PIP4K2A: variants seen among roughly 807,000 people sequenced by gnomAD.
PIP4K2A encodes the protein phosphatidylinositol-5-phosphate 4-kinase type 2 alpha.
Under a neutral mutation model 42.9 loss-of-function variants are expected in PIP4K2A, and 14 were observed. That is an observed-to-expected ratio of 0.33 (90% CI 0.22 to 0.51). The LOEUF (loss-of-function observed/expected upper bound fraction) is 0.51. Among genes scored for constraint, PIP4K2A ranks in the 20% least tolerant of loss-of-function variants. The pLI is 0.97. For synonymous variants in PIP4K2A, 192 were observed against 192.2 expected (o/e 1.00, Z 0.01); for missense variants, 434 against 519.8 (o/e 0.83, Z 1.61).
chr10:22,627,591 T>TAAATAAAAAAA (rs1838469660), intron 1 of PIP4K2A, among the ~76,000 whole-genome samples: 1 of 56,994 alleles, frequency 1.8e-5, no homozygotes, highest in South Asian at 8.2e-4. Context: ...TAATATGTAA[T>TAAATAAAAAAA]AAAAAAAAAA....
intron 4 of PIP4K2A, among the ~76,000 whole-genome samples, chr10:22,583,401 TG>T (rs1588642309): frequency 6.6e-6 from 1 of 151,916 alleles, no homozygotes; most frequent in South Asian, 2.1e-4. Context: ...TGCCTGGGGC[TG>T]GGGGGGAGCT....
chr10:22,683,835 TCACACA>T lies in PIP4K2A; in HGVS notation c.144+30342_144+30347del, dbSNP rs138327782. Among the ~76,000 whole-genome samples the T allele has an allele frequency of 4.5e-3, 622 of 139,386 alleles. 1 individual carries two copies. The highest frequency in any genetic ancestry group is 7.8e-3 in the African/African-American group (294 of 37,768). The allele number at this position is 139,386 out of a possible 152,430, so 91.4% of individuals were successfully genotyped here. A position where few individuals can be genotyped will look rare whatever the true frequency, so the allele number is the denominator to read the frequency against. ...TCTTGTAGCTTTCCTACCAAGCAGT[TCACACA>T]CACACACACACACACACACACACAC... On this transcript the variant is annotated intron_variant, in intron 1 of 9. Transcript: ENST00000376573.
chr10:22,632,627 G>A (rs1033112916), intron 1 of PIP4K2A, among the ~76,000 whole-genome samples: 6 of 152,242 alleles, frequency 3.9e-5, no homozygotes, highest in African/African-American at 7.2e-5. Context: ...CATGACCTCC[G>A]GTGTAGGCCA....
chr10:22,601,157 A>AAAAAAAAAAAAAAAAT, intron 3 of PIP4K2A, among the ~76,000 whole-genome samples: 1 of 134,682 alleles, frequency 7.4e-6, no homozygotes, highest in Non-Finnish European at 1.7e-5. Context: ...AAAAAAAAAA[A>AAAAAAAAAAAAAAAAT]AAAAAACAAA....
intron 1 of PIP4K2A, among the ~76,000 whole-genome samples, chr10:22,698,299 A>G (rs989567491): frequency 2.4e-4 from 36 of 152,308 alleles, no homozygotes; most frequent in Middle Eastern, 3.4e-3. Flanking sequence ...TTGCTGTTCA[A>G]TTTAGAACCC....
intron 3 of PIP4K2A, among the ~76,000 whole-genome samples, chr10:22,605,183 C>A (rs912095011): frequency 2.6e-5 from 4 of 151,188 alleles, no homozygotes; most frequent in African/African-American, 4.9e-5. Context: ...TGAATACACA[C>A]TTTTTCTTTC....
chr10:22,537,572 C>T (rs532527992), intron 9 of PIP4K2A, among the ~76,000 whole-genome samples: 2 of 152,206 alleles, frequency 1.3e-5, no homozygotes, highest in South Asian at 2.1e-4. Flanking sequence ...AAACAGGCCA[C>T]GTTTGGGATG....
chr10:22,619,923 G>A (rs991445895), intron 1 of PIP4K2A, among the ~76,000 whole-genome samples: 2 of 152,148 alleles, frequency 1.3e-5, no homozygotes, highest in African/African-American at 4.8e-5. Context: ...AGGTGAGTAG[G>A]AATGAGAATA....
rs760695130 is a variant in PIP4K2A at position 22,591,756 on chromosome 10, A to C, written c.365T>G (p.Leu122Arg). 2.5e-6 allele frequency: 4 copies of C among 1,612,232 alleles called. No homozygotes were observed. The Admixed American group carries it at 6.7e-5, about 27-fold the overall frequency. Residue 122 changes from leucine (L) to arginine (R), a missense_variant, in exon 4 of 10, where the codon CTC (leucine) becomes CGC (arginine). Leu to Arg is a moderately radical substitution (Grantham distance 102). Coordinates refer to ENST00000376573, the MANE Select transcript of PIP4K2A (RefSeq NM_005028.5). ...ACTGCGGGCCTGGGAGTCGTTGGGG[A>C]GGGGTGCGCTCCTGGTCAGGGAATT... ...FQNSLTRSAP[L>R]PNDSQARSGA... is the part of the protein sequence containing the mutation.
intron 9 of PIP4K2A, among the ~76,000 whole-genome samples, chr10:22,537,883 T>C (rs1353131682): frequency 6.6e-6 from 1 of 152,168 alleles, no homozygotes; most frequent in Non-Finnish European, 1.5e-5. Flanking sequence ...GGCTCCATCT[T>C]GCCCACGGGG....
chr10:22,553,498 C>G (rs1423472070), intron 6 of PIP4K2A, among the ~76,000 whole-genome samples: 1 of 152,210 alleles, frequency 6.6e-6, no homozygotes, highest in Non-Finnish European at 1.5e-5. Flanking sequence ...TCACATCTAT[C>G]ATCTATCTTC....
At chr10:22,625,291 T>C (rs760024324) in intron 1 of PIP4K2A, among the ~76,000 whole-genome samples, 6 of 152,222 alleles carry the variant, frequency 3.9e-5, no homozygotes, top group Non-Finnish European at 7.3e-5. Context: ...AAAATTAGTT[T>C]TACTGCTTTC....
chr10:22,637,544 A>G (rs1838692850), intron 1 of PIP4K2A, among the ~76,000 whole-genome samples: 1 of 152,208 alleles, frequency 6.6e-6, no homozygotes. Flanking sequence ...TAGATTTGCC[A>G]TCCTCAAGAA....
At chr10:22,698,144 T>C (rs1296660645) in intron 1 of PIP4K2A, among the ~76,000 whole-genome samples, 2 of 152,162 alleles carry the variant, frequency 1.3e-5, no homozygotes, top group Non-Finnish European at 2.9e-5. Flanking sequence ...GCAGCCTATG[T>C]GGAAGCCATC....
At chr10:22,598,277 G>C (rs547784772) in intron 3 of PIP4K2A, among the ~76,000 whole-genome samples, 2 of 152,228 alleles carry the variant, frequency 1.3e-5, no homozygotes, top group Admixed American at 1.3e-4. Flanking sequence ...AGGATCACTT[G>C]AGCTGAGGAG....
intron 1 of PIP4K2A, among the ~76,000 whole-genome samples, chr10:22,708,978 C>A (rs80223013): frequency 0.032 from 4,900 of 152,210 alleles, 171 homozygotes; most frequent in African/African-American, 0.09. Context: ...GAGACAGGGT[C>A]TTGCTATGCT....
At chr10:22,662,428 A>G (rs1177258601) in intron 1 of PIP4K2A, among the ~76,000 whole-genome samples, 1 of 152,204 alleles carries the variant, frequency 6.6e-6, no homozygotes, top group East Asian at 1.9e-4. Context: ...GATTTCTGAA[A>G]TGTTGTGCTG....
rs148212716 is a variant in PIP4K2A, at chr10:22,594,677, G to C, written c.340-2896C>G. Among the ~76,000 whole-genome samples the C allele has an allele frequency of 3.4e-3, 520 of 152,310 alleles. 12 individuals are homozygous for C. Among genetic ancestry groups the C allele is most frequent in the Admixed American group, 0.029 (451 of 15,302 alleles). On this transcript the variant is annotated intron_variant, in intron 3 of 9. Coordinates refer to ENST00000376573, the MANE Select transcript of PIP4K2A (RefSeq NM_005028.5). ...GGCCTCCCAAAGTGCTGGGATTACA[G>C]GCATGAGCCACCATGCCCAGCGCAA...
At chr10:22,638,195 A>G (rs1476249682) in intron 1 of PIP4K2A, among the ~76,000 whole-genome samples, 1 of 152,224 alleles carries the variant, frequency 6.6e-6, no homozygotes, top group Non-Finnish European at 1.5e-5. Context: ...CTAAGAATGA[A>G]TGAATAAAAT....
Sources: gnomAD v4.1 joint callset for allele counts (sites outside exome capture counted in the v4.1 genomes callset) on GRCh38, gnomAD v4.1.1 for gene constraint, MANE v1.5 for transcripts, NCBI Gene and HGNC (gene_info 2026-07-23, HGNC 2026-07-21) for gene names.